The following TRIM71 variants were observed in gnomAD, a reference collection of about 807,000 sequenced individuals.
The protein encoded by TRIM71 is E3 ubiquitin-protein ligase TRIM71.
Under a neutral mutation model 61.2 loss-of-function variants are expected in TRIM71, and 9 were observed. The ratio of observed to expected loss-of-function variants is 0.15; its 90% confidence interval spans 0.09 to 0.26. The LOEUF (loss-of-function observed/expected upper bound fraction) is 0.26. Ranked by LOEUF, TRIM71 falls within the 10% of genes least tolerant of loss-of-function variation. The probability of loss-of-function intolerance (pLI) is 1.00; values close to 1 mark genes in which losing one functional copy is unlikely to be tolerated. For synonymous variants in TRIM71, 645 were observed against 553.2 expected (o/e 1.17, Z -2.33); for missense variants, 998 against 1,238.7 (o/e 0.81, Z 2.92).
chr3:32,839,014 T>G lies in TRIM71; in HGVS notation c.852+20082T>G, dbSNP rs531876834. On this transcript the variant is annotated intron_variant, in intron 1 of 3. Transcript: ENST00000383763. Reference sequence around the variant, plus strand: ...CGGGGTTTCACCATGTTGTCTAGGCTGGTCTTGAACTCCTGACCTCAGTTG... The same window carrying G: ...CGGGGTTTCACCATGTTGTCTAGGCGGGTCTTGAACTCCTGACCTCAGTTG... Among the ~76,000 whole-genome samples the G allele has an allele frequency of 1.1e-4, 17 of 151,968 alleles. No homozygotes were observed. In the East Asian group the frequency reaches 3.3e-3, roughly 30 times the overall value.
At chr3:32,887,431 A>T (rs1696973194) in intron 3 of TRIM71, among the ~76,000 whole-genome samples, 1 of 151,044 alleles carries the variant, frequency 6.6e-6, no homozygotes, top group South Asian at 2.1e-4. Context: ...TTTGCTATAG[A>T]ACCTTGCTCC....
At position 32,829,651 on chromosome 3, in the gene TRIM71, T is replaced by TG. The variant is rs67407739; in HGVS notation, c.852+10719_852+10720insG. Among the ~76,000 whole-genome samples the TG allele has an allele frequency of 1.1e-3, 166 of 150,990 alleles. 2 individuals carry two copies. The East Asian group carries it at 0.019, about 18-fold the overall frequency. ...TTGTGTGTGTGTGTGTGTGTGTGTGTTTGTGTGTGCGTGTGTGTGCATTGG... is the reference window on the plus strand; with the variant it reads ...TTGTGTGTGTGTGTGTGTGTGTGTGTGTTGTGTGTGCGTGTGTGTGCATTGG... On this transcript the variant is annotated intron_variant, in intron 1 of 3. Transcript: ENST00000383763.
At chr3:32,885,346 G>C (rs1050767568) in intron 2 of TRIM71, among the ~76,000 whole-genome samples, 3 of 152,214 alleles carry the variant, frequency 2.0e-5, no homozygotes, top group Non-Finnish European at 4.4e-5. Context: ...TGGCGTGTGT[G>C]ATGACGTGTA....
chr3:32,884,420 AG>A (rs1337800776), intron 2 of TRIM71, among the ~76,000 whole-genome samples: 1 of 152,088 alleles, frequency 6.6e-6, no homozygotes, highest in Non-Finnish European at 1.5e-5. Context: ...AGAACAGGCC[AG>A]GCGCAGTGGC....
intron 1 of TRIM71, among the ~76,000 whole-genome samples, chr3:32,849,890 A>G (rs1000574102): frequency 2.6e-5 from 4 of 152,182 alleles, no homozygotes; most frequent in Non-Finnish European, 5.9e-5. Flanking sequence ...CCAGGCCCTG[A>G]GATTGTCACA....
At chr3:32,819,558 G>C (rs1340487497) in intron 1 of TRIM71, among the ~76,000 whole-genome samples, 1 of 152,112 alleles carries the variant, frequency 6.6e-6, no homozygotes, top group Non-Finnish European at 1.5e-5. Flanking sequence ...GGATCTTTGA[G>C]GGCCAAGGGC....
chr3:32,824,337 C>G (rs1696176008), intron 1 of TRIM71, among the ~76,000 whole-genome samples: 1 of 151,652 alleles, frequency 6.6e-6, no homozygotes, highest in Non-Finnish European at 1.5e-5. Flanking sequence ...GTCACCTTGT[C>G]CGGCTAATTT....
chr3:32,828,424 CTT>C (rs889296141), intron 1 of TRIM71, among the ~76,000 whole-genome samples: 28 of 150,648 alleles, frequency 1.9e-4, no homozygotes, highest in Admixed American at 9.3e-4. Context: ...GAGGGTAACT[CTT>C]TGCGGTGTTG....
At position 32,891,355 on chromosome 3, in the gene TRIM71, A is replaced by G. The variant is rs1455743181; in HGVS notation, c.2151A>G (p.Ser717=). ...ATTCTGAGGGCAAGATCCTGGTCTC[A>G]GACACGAGGAACCACCGGATCCAGC... ...AVNSEGKILV[S]DTRNHRIQLF... is the part of the protein sequence containing the mutation. The change falls in exon 4 of 4, where the codon TCA becomes TCG. Residue 717 remains serine (S), a synonymous_variant. Transcript: ENST00000383763. The surrounding 1 kb of genome is among the most constrained non-coding windows in gnomAD (Gnocchi z 8.2). 6.2e-7 allele frequency: 1 copy of G among 1,614,122 alleles called. No homozygotes were observed. Among genetic ancestry groups the G allele is most frequent in the Non-Finnish European group, 8.5e-7 (1 of 1,180,020 alleles).
chr3:32,818,471 C>G lies in TRIM71; in HGVS notation c.391C>G (p.Pro131Ala). Residue 131 changes from proline (P) to alanine (A), a missense_variant, in exon 1 of 4, where the codon CCG (proline) becomes GCG (alanine). By Grantham distance (27) the Pro-to-Ala change is conservative. This residue lies in a region of TRIM71 where 527 missense variants were observed against 427.8 expected (regional missense o/e 1.23). Transcript: ENST00000383763. Reference protein sequence around the residue: ...DAVVATADEPPPKNGRAGAPA... With the variant: ...DAVVATADEPAPKNGRAGAPA... ...GGTGGTGGCCACTGCCGACGAGCCG[C>G]CGCCCAAGAACGGGCGCGCCGGCGC... 6.9e-7 allele frequency: 1 copy of G among 1,452,702 alleles called. No individual in the cohort carries two copies. Among genetic ancestry groups the G allele is most frequent in the Non-Finnish European group, 9.0e-7 (1 of 1,107,114 alleles). The allele number at this position is 1,452,702 out of a possible 1,614,324, so 90.0% of individuals were successfully genotyped here.
chr3:32,838,958 G>A (rs1696371881), intron 1 of TRIM71, among the ~76,000 whole-genome samples: 2 of 151,870 alleles, frequency 1.3e-5, no homozygotes, highest in South Asian at 2.1e-4. Flanking sequence ...ATGGCACCAC[G>A]CCTGGCTACT....
intron 1 of TRIM71, among the ~76,000 whole-genome samples, chr3:32,872,106 C>T (rs536598926): frequency 2.1e-4 from 32 of 152,234 alleles, no homozygotes; most frequent in Non-Finnish European, 3.5e-4. Flanking sequence ...GAGATCGCGT[C>T]GCCACTGCAC....
intron 1 of TRIM71, among the ~76,000 whole-genome samples, chr3:32,851,032 T>C (rs1575348759): frequency 6.6e-6 from 1 of 152,230 alleles, no homozygotes; most frequent in African/African-American, 2.4e-5. Context: ...TCCACTTTCC[T>C]GTTTTGTTTT....
intron 1 of TRIM71, among the ~76,000 whole-genome samples, chr3:32,849,935 A>T (rs1559542419): frequency 1.3e-5 from 2 of 152,362 alleles, no homozygotes; most frequent in African/African-American, 2.4e-5. Flanking sequence ...GCTCCTATCT[A>T]GCTCCTAAGA....
intron 1 of TRIM71, among the ~76,000 whole-genome samples, chr3:32,865,410 T>G (rs945138733): frequency 5.3e-5 from 8 of 152,180 alleles, no homozygotes; most frequent in Admixed American, 1.3e-4. Flanking sequence ...CACGGAAAAC[T>G]ACATACACGA....
At chr3:32,876,567 G>A (rs1336891206) in intron 2 of TRIM71, among the ~76,000 whole-genome samples, 6 of 152,238 alleles carry the variant, frequency 3.9e-5, no homozygotes, top group African/African-American at 1.2e-4. Context: ...CTGGACGACC[G>A]AATGAGACTC....
intron 2 of TRIM71, among the ~76,000 whole-genome samples, chr3:32,883,310 C>T (rs10222464): frequency 0.022 from 3,342 of 152,256 alleles, 126 homozygotes; most frequent in African/African-American, 0.076. Flanking sequence ...ATTAGTTTAT[C>T]GGGTCTGTTG....
At chr3:32,852,768 A>AC (rs201507243) in intron 1 of TRIM71, among the ~76,000 whole-genome samples, 2,109 of 141,892 alleles carry the variant, frequency 0.015, 49 homozygotes, top group African/African-American at 0.054. Context: ...TTAAAAAAAA[A>AC]AAAAAACAAA....
In TRIM71 at chr3:32,864,686, G is replaced by A. The variant is rs370387494; in HGVS notation, c.853-9132G>A. ...TGAGTGTCTGCCGTCTGCCCTCAGGGCTCAGGCTCAGGTCCGGTGTAGAGT... is the reference window on the plus strand; with the variant it reads ...TGAGTGTCTGCCGTCTGCCCTCAGGACTCAGGCTCAGGTCCGGTGTAGAGT... On this transcript the variant is annotated intron_variant, in intron 1 of 3. Coordinates refer to ENST00000383763, the MANE Select transcript of TRIM71 (RefSeq NM_001039111.3). Among the ~76,000 whole-genome samples the A allele has an allele frequency of 3.9e-5, 6 of 152,334 alleles. No homozygotes were observed. The East Asian group carries it at 7.7e-4, about 20-fold the overall frequency.
Sources: allele counts gnomAD v4.1 joint callset (sites outside exome capture counted in the v4.1 genomes callset), GRCh38; gene constraint gnomAD v4.1.1; regional missense constraint gnomAD v4.1.1; non-coding constraint Gnocchi (gnomAD v3.1); transcripts MANE v1.5; gene names NCBI Gene and HGNC (gene_info 2026-07-23, HGNC 2026-07-21).